DSC2: variants seen among roughly 807,000 people sequenced by gnomAD.
DSC2 encodes desmocollin 2.
Under a neutral mutation model 87.6 loss-of-function variants are expected in DSC2, and 51 were observed. The ratio of observed to expected loss-of-function variants is 0.58; its 90% CI spans 0.46 to 0.74. DSC2 has a LOEUF of 0.74. Among genes scored for constraint, DSC2 ranks in the 30% least tolerant of loss-of-function variants. The pLI, the probability that DSC2 is intolerant of heterozygous loss-of-function variation, is 0.00. For missense variants in DSC2, 1,066 were observed against 1,089.5 expected, an observed-to-expected ratio of 0.98 and a Z score of 0.30; for synonymous variants, 383 against 393.2, an observed-to-expected ratio of 0.97 and a Z score of 0.31.
Position 31,087,823 on chromosome 18 carries a change from G to A in DSC2, c.631-10C>T, listed in dbSNP as rs745848441. 2 of 1,613,276 alleles carry A rather than the reference G, an allele frequency of 1.2e-6. No individual in the cohort carries two copies. Among genetic ancestry groups the A allele is most frequent in the African/African-American group, 1.3e-5 (1 of 75,010 alleles). On this transcript the variant is annotated splice_polypyrimidine_tract_variant and intron_variant, in intron 5 of 15. Transcript: ENST00000280904. ...TTGCAAAGGCAATTATCTGTGAAGA[G>A]AGTAAAATAAGGAGAAAAGTGAAAA...
Position 31,100,914 on chromosome 18 carries a change from C to T in DSC2, c.69+989G>A, listed in dbSNP as rs571741280. 3.3e-5 allele frequency among the ~76,000 whole-genome samples: 5 copies of T among 152,214 alleles called. No individual in the cohort carries two copies. The East Asian group carries it at 9.7e-4, about 29-fold the overall frequency. On this transcript the variant is annotated intron_variant, in intron 1 of 15. Coordinates refer to ENST00000280904, the MANE Select transcript of DSC2 (RefSeq NM_024422.6). The stretch of plus-strand genomic sequence containing the variant: ...CCCCAGACGCTGCTCCCGGCATTGG[C>T]TTTTTGCGTCTTCAGGCTCCCCAAC...
intron 9 of DSC2, among the ~76,000 whole-genome samples, chr18:31,081,155 G>A (rs954871486): frequency 6.6e-6 from 1 of 152,048 alleles, no homozygotes; most frequent in Non-Finnish European, 1.5e-5. Flanking sequence ...AAAATTATTT[G>A]TACCTGGTAT....
Position 31,091,418 on chromosome 18 carries a change from GA to G in DSC2, c.355-272del, listed in dbSNP as rs3216154. 0.41 allele frequency: 217,528 copies of G among 530,502 alleles called. 47,092 individuals carry two copies. Among genetic ancestry groups the G allele is most frequent in the Non-Finnish European group, 0.47 (131,542 of 280,630 alleles). The allele number at this position is 530,502 out of a possible 1,614,324, so 32.9% of individuals were successfully genotyped here. A position where few individuals can be genotyped will look rare whatever the true frequency, so the allele number is the denominator to read the frequency against. On this transcript the variant is annotated intron_variant, in intron 3 of 15. Transcript: ENST00000280904. ...GAACTGGAAGCCTAGAAGCAAAACTGAAAAAAAAATTACTGTTGCCCCATTG... is the reference window on the plus strand; with the variant it reads ...GAACTGGAAGCCTAGAAGCAAAACTGAAAAAAAATTACTGTTGCCCCATTG...
At chr18:31,094,326 T>G (rs1987698971) in intron 1 of DSC2, among the ~76,000 whole-genome samples, 1 of 152,216 alleles carries the variant, frequency 6.6e-6, no homozygotes, top group African/African-American at 2.4e-5. Flanking sequence ...TGGAGAATAT[T>G]TATGTGTTAC....
At chr18:31,092,339 A>G (rs1987631309) in intron 2 of DSC2, 39 bp from the exon 3 acceptor site, 2 of 1,567,104 alleles carry the variant, frequency 1.3e-6, no homozygotes, top group Admixed American at 3.4e-5. Context: ...TTAAAGTAAA[A>G]CATAGGATAT....
At chr18:31,068,426 C>A in intron 15 of DSC2, 1 of 1,400,962 alleles carries the variant, frequency 7.1e-7, no homozygotes, top group East Asian at 2.3e-5. Flanking sequence ...AAAAGTCACG[C>A]ATGTGGCAGC....
At position 31,102,193 on chromosome 18, in the gene DSC2, G is replaced by T. The variant is rs727505136; in HGVS notation, c.-222C>A. ...TGGCGGAGGGAGGGGCTCCAGACGCGTCCAAAAGACACCGATCGGCCCCTC... is the reference window on the plus strand; with the variant it reads ...TGGCGGAGGGAGGGGCTCCAGACGCTTCCAAAAGACACCGATCGGCCCCTC... On this transcript the variant is annotated 5_prime_UTR_variant, in exon 1 of 16. Coordinates refer to ENST00000280904, the MANE Select transcript of DSC2 (RefSeq NM_024422.6). 6.6e-6 allele frequency: 3 copies of T among 455,054 alleles called. No homozygotes were observed. Among genetic ancestry groups the T allele is most frequent in the East Asian group, 7.2e-5 (2 of 27,892 alleles). The allele number at this position is 455,054 out of a possible 1,614,324, so 28.2% of individuals were successfully genotyped here. A position where few individuals can be genotyped will look rare whatever the true frequency, so the allele number is the denominator to read the frequency against.
In DSC2 at chr18:31,092,176, A is replaced by C; in HGVS notation, c.279T>G (p.Ser93Arg). The change falls in exon 3 of 16, where the codon AGT becomes AGG. Residue 93 changes from serine (S) to arginine (R), a missense_variant. Ser to Arg is a moderately radical substitution (Grantham distance 110). Coordinates refer to ENST00000280904, the MANE Select transcript of DSC2 (RefSeq NM_024422.6). Reference protein sequence around the residue: ...NTILLSSEKRSFTILLSNTEN... With the variant: ...NTILLSSEKRRFTILLSNTEN... ...CAGTGTTGGAAAGTAATATGGTAAA[A>C]CTTCTCTTCTCCGAGGACAATAGAA... The C allele has an allele frequency of 6.2e-7, 1 of 1,613,616 alleles. No homozygotes were observed. Among genetic ancestry groups the C allele is most frequent in the Middle Eastern group, 1.7e-4 (1 of 6,044 alleles).
rs773053517 is a variant in DSC2, at chr18:31,091,106, G to A, written c.396C>T (p.Arg132=). Residue 132 remains arginine, a synonymous_variant, in exon 4 of 16, where the codon CGC becomes CGT. Transcript: ENST00000280904. ...GAATTGGAGCCCATCTTCTCTTGGC[G>A]CGCCTTAGAACTTTTTCTTTAGTAT... ...KRHTKEKVLR[R]AKRRWAPIPC... The A allele has an allele frequency of 1.2e-5, 20 of 1,613,826 alleles. No homozygotes were observed. Among genetic ancestry groups the A allele is most frequent in the South Asian group, 4.4e-5 (4 of 91,074 alleles).
intron 1 of DSC2, among the ~76,000 whole-genome samples, chr18:31,097,715 AAAG>A (rs1484028014): frequency 6.6e-6 from 1 of 151,842 alleles, no homozygotes; most frequent in African/African-American, 2.4e-5. Context: ...AGGAATTGGA[AAAG>A]AAGAGGCAAA....
In DSC2 at chr18:31,064,662, G is replaced by A. The variant is rs139989497; in HGVS notation, c.*3353C>T. ...CTAGGTTAACAGGGGGCTCGCAGGG[G>A]AGCTGATATAAGAGCTGTAGGTTTA... On this transcript the variant is annotated 3_prime_UTR_variant, in exon 16 of 16. Transcript: ENST00000280904. 2.2e-3 allele frequency: 337 copies of A among 152,272 alleles called. 1 individual carries two copies. The highest frequency in any genetic ancestry group is 4.1e-3 in the Non-Finnish European group (277 of 68,040). The allele number at this position is 152,272 out of a possible 1,614,324, so 9.4% of individuals were successfully genotyped here. A position where few individuals can be genotyped will look rare whatever the true frequency, so the allele number is the denominator to read the frequency against.
chr18:31,096,873 T>C (rs929064688), intron 1 of DSC2, among the ~76,000 whole-genome samples: 1 of 152,104 alleles, frequency 6.6e-6, no homozygotes, highest in African/African-American at 2.4e-5. Context: ...AAAAAAAATC[T>C]CTGCATTTGA....
At chr18:31,092,002 AAAC>A in intron 3 of DSC2, 96 bp downstream of exon 3, 1 of 1,324,538 alleles carries the variant, frequency 7.5e-7, no homozygotes, top group Non-Finnish European at 1.0e-6. Context: ...TCTTTAAGCC[AAAC>A]TATACCATAT....
intron 13 of DSC2, 40 bp from the exon 14 acceptor site, chr18:31,070,890 T>A: frequency 6.2e-7 from 1 of 1,605,634 alleles, no homozygotes; most frequent in Non-Finnish European, 8.5e-7. Flanking sequence ...TATCATAAAA[T>A]AATATGAAGT....
intron 6 of DSC2, among the ~76,000 whole-genome samples, chr18:31,086,973 T>C (rs932135412): frequency 6.6e-6 from 1 of 152,194 alleles, no homozygotes; most frequent in African/African-American, 2.4e-5. Context: ...TTGTATTTAA[T>C]GTATGATTTT....
chr18:31,095,372 G>C lies in DSC2; in HGVS notation c.70-1729C>G, dbSNP rs111649400. Reference sequence around the variant, plus strand: ...GGTCATGGTAAGGAGTGCAGATTTTGTTCTGAGTGCAAAGAGAAGCAACAG... The same window carrying C: ...GGTCATGGTAAGGAGTGCAGATTTTCTTCTGAGTGCAAAGAGAAGCAACAG... On this transcript the variant is annotated intron_variant, in intron 1 of 15. Transcript: ENST00000280904. 2.7e-3 allele frequency among the ~76,000 whole-genome samples: 416 copies of C among 152,282 alleles called. 2 individuals carry two copies. The highest frequency in any genetic ancestry group is 0.02 in the Middle Eastern group (6 of 294).
chr18:31,074,963 G>A (rs1986968275), intron 11 of DSC2, 56 bp from the exon 12 acceptor site: 1 of 1,509,766 alleles, frequency 6.6e-7, no homozygotes, highest in Admixed American at 1.9e-5. Context: ...CACCACAAAA[G>A]TATGCACTGA....
chr18:31,077,107 A>T (rs983240996), intron 11 of DSC2, among the ~76,000 whole-genome samples: 2 of 152,234 alleles, frequency 1.3e-5, no homozygotes, highest in African/African-American at 4.8e-5. Context: ...CAAGAAGAAA[A>T]AAGAGCTAGG....
At chr18:31,082,452 T>A in intron 8 of DSC2, 29 bp from the exon 9 acceptor site, 1 of 1,602,958 alleles carries the variant, frequency 6.2e-7, no homozygotes, top group Non-Finnish European at 8.5e-7. Flanking sequence ...ACAAAAAATT[T>A]CGTTAGTAAC....
Sources: gnomAD v4.1 joint callset for allele counts (sites outside exome capture counted in the v4.1 genomes callset) on GRCh38, gnomAD v4.1.1 for gene constraint, MANE v1.5 for transcripts, NCBI Gene and HGNC (gene_info 2026-07-23, HGNC 2026-07-21) for gene names.